Variants in VDAC1 observed in about 807,000 individuals in gnomAD.
VDAC1 encodes voltage dependent anion channel 1.
In VDAC1, 10 loss-of-function variants were observed where a neutral mutation model predicts 34.7. The ratio of observed to expected loss-of-function variants is 0.29; its 90% CI spans 0.18 to 0.49. The LOEUF is 0.49. Ranked by LOEUF, VDAC1 falls within the 20% of genes least tolerant of loss-of-function variation. VDAC1 has a pLI of 0.99. For synonymous variants in VDAC1, 130 were observed against 136.0 expected, an observed-to-expected ratio of 0.96 and a Z score of 0.30; for missense variants, 230 against 347.9, an observed-to-expected ratio of 0.66 and a Z score of 2.69.
chr5:133,984,417 A>G (rs968939336), intron 5 of VDAC1, among the ~76,000 whole-genome samples: 10 of 105,886 alleles, frequency 9.4e-5, no homozygotes, highest in African/African-American at 3.9e-4. Flanking sequence ...CACAATGACC[A>G]GCGTGTGTGT....
chr5:134,074,439 T>A, the VDAC1 span, among the ~76,000 whole-genome samples: 1 of 152,152 alleles, frequency 6.6e-6, no homozygotes, highest in African/African-American at 2.4e-5. Context: ...TGTGACCTCA[T>A]GTCAGACACA....
the VDAC1 span, among the ~76,000 whole-genome samples, chr5:134,020,952 G>C: frequency 6.6e-6 from 1 of 151,114 alleles, no homozygotes; most frequent in Non-Finnish European, 1.5e-5. Flanking sequence ...GAGCCCAGGA[G>C]TTTGAGACCA....
At chr5:134,084,628 T>C in the VDAC1 span, among the ~76,000 whole-genome samples, 1 of 152,218 alleles carries the variant, frequency 6.6e-6, no homozygotes, top group Non-Finnish European at 1.5e-5. Flanking sequence ...CCACTTCAAC[T>C]CTCTGTGCCT....
chr5:133,999,122 G>A (rs140673062), intron 1 of VDAC1, among the ~76,000 whole-genome samples: 3 of 152,300 alleles, frequency 2.0e-5, no homozygotes, highest in Non-Finnish European at 4.4e-5. Context: ...ACCAGCCTGG[G>A]CAATACAGTG....
At chr5:134,083,234 G>T in the VDAC1 span, among the ~76,000 whole-genome samples, 1 of 148,120 alleles carries the variant, frequency 6.8e-6, no homozygotes, top group Non-Finnish European at 1.5e-5. Flanking sequence ...TGTTGTCCAG[G>T]CTGGAGTGCA....
the VDAC1 span, among the ~76,000 whole-genome samples, chr5:134,026,331 C>T: frequency 9.2e-5 from 14 of 151,898 alleles, no homozygotes; most frequent in African/African-American, 3.4e-4. Context: ...CCGTCTAACA[C>T]GGTGAAACCC....
At chr5:134,098,669 G>A in the VDAC1 span, among the ~76,000 whole-genome samples, 1 of 152,226 alleles carries the variant, frequency 6.6e-6, no homozygotes, top group African/African-American at 2.4e-5. Flanking sequence ...CAGGCCTCTA[G>A]GCCTTCTGCA....
intron 8 of VDAC1, 143 bp from the exon 9 acceptor site, chr5:133,973,005 G>A (rs1322689869): frequency 3.0e-6 from 2 of 663,778 alleles, no homozygotes; most frequent in Non-Finnish European, 5.3e-6. Flanking sequence ...TTGTTACTTA[G>A]CACTATCTGA....
At chr5:134,062,470 A>AC in the VDAC1 span, among the ~76,000 whole-genome samples, 1 of 151,722 alleles carries the variant, frequency 6.6e-6, no homozygotes, top group Non-Finnish European at 1.5e-5. Flanking sequence ...TTGCTAATAC[A>AC]TTTAGGAAGT....
chr5:134,016,711 T>A, the VDAC1 span, among the ~76,000 whole-genome samples: 1 of 152,072 alleles, frequency 6.6e-6, no homozygotes, highest in African/African-American at 2.4e-5. Context: ...AAAATAAAAA[T>A]AAAATGTGGA....
the VDAC1 span, among the ~76,000 whole-genome samples, chr5:134,075,479 CTA>C: frequency 7.2e-5 from 11 of 152,258 alleles, no homozygotes; most frequent in Non-Finnish European, 1.3e-4. Context: ...GTTATTGACA[CTA>C]TGTTCACAAT....
chr5:134,024,894 T>G, the VDAC1 span, among the ~76,000 whole-genome samples: 5 of 152,302 alleles, frequency 3.3e-5, no homozygotes, highest in Middle Eastern at 3.4e-3. Context: ...CCCTACCCCC[T>G]AGCCAGCTGA....
the VDAC1 span, among the ~76,000 whole-genome samples, chr5:134,030,773 A>G: frequency 6.6e-6 from 1 of 151,872 alleles, no homozygotes; most frequent in African/African-American, 2.4e-5. Context: ...ACATCTGGCT[A>G]ATTTTGTATT....
chr5:134,071,932 G>C, the VDAC1 span, among the ~76,000 whole-genome samples: 1 of 152,166 alleles, frequency 6.6e-6, no homozygotes, highest in Non-Finnish European at 1.5e-5. This position sits in a 1 kb window ranked among gnomAD's most constrained non-coding sequence, Gnocchi z 4.1. Flanking sequence ...TGGTGGGCCT[G>C]TCCCAGGGTA....
chr5:134,009,951 G>C (rs1753806281), upstream of VDAC1, among the ~76,000 whole-genome samples: 1 of 152,198 alleles, frequency 6.6e-6, no homozygotes, highest in Non-Finnish European at 1.5e-5. Flanking sequence ...AAAGTGCTGG[G>C]ATTACAGGCA....
chr5:133,986,290 C>T (rs913588802), intron 5 of VDAC1, among the ~76,000 whole-genome samples: 2 of 152,120 alleles, frequency 1.3e-5, no homozygotes, highest in South Asian at 2.1e-4. Context: ...CAGGCTGTAC[C>T]CTCAGTCACT....
chr5:134,077,630 G>A, the VDAC1 span, among the ~76,000 whole-genome samples: 2 of 152,136 alleles, frequency 1.3e-5, no homozygotes, highest in African/African-American at 2.4e-5. Context: ...ATGCATACTC[G>A]CTCATTTAAT....
chr5:134,020,579 T>C, the VDAC1 span, among the ~76,000 whole-genome samples: 1 of 152,184 alleles, frequency 6.6e-6, no homozygotes, highest in East Asian at 1.9e-4. Context: ...CCCTGGGCCA[T>C]ATAACCTCTC....
chr5:133,980,688 A>ATGGCC, intron 6 of VDAC1, 41 bp downstream of exon 6: 3 of 612,642 alleles, frequency 4.9e-6, no homozygotes, highest in East Asian at 3.2e-5. Context: ...CACATGCTCC[A>ATGGCC]ACCCCACCCC....
Sources: gnomAD v4.1 joint callset for allele counts (sites outside exome capture counted in the v4.1 genomes callset) on GRCh38, gnomAD v4.1.1 for gene constraint, Gnocchi (gnomAD v3.1) non-coding constraint, MANE v1.5 for transcripts, NCBI Gene and HGNC (gene_info 2026-07-23, HGNC 2026-07-21) for gene names.